PTPRD: variants seen among roughly 807,000 people sequenced by gnomAD.
The protein encoded by PTPRD is protein tyrosine phosphatase receptor type D.
PTPRD carries 34 observed loss-of-function variants against 214.5 expected under a neutral mutation model. The ratio of observed to expected loss-of-function variants is 0.16; its 90% CI spans 0.12 to 0.21. PTPRD has a LOEUF of 0.21. PTPRD is among the 10% of genes least tolerant of loss of function. The probability of loss-of-function intolerance (pLI) is 1.00; values close to 1 mark genes in which losing one functional copy is unlikely to be tolerated. For synonymous variants in PTPRD, 1,128 were observed against 845.7 expected, an observed-to-expected ratio of 1.33 and a Z score of -5.79; for missense variants, 2,545 against 2,398.7, an observed-to-expected ratio of 1.06 and a Z score of -1.27.
Position 8,460,226 on chromosome 9 carries a change from G to C in PTPRD, c.3875+185C>G, listed in dbSNP as rs73424299. ...AGAAGTCTATACCAAAACTGAATAA[G>C]ATTCCAAATAGTACAGTCTTTACAT... On this transcript the variant is annotated intron_variant, in intron 33 of 45. Coordinates refer to ENST00000381196, the MANE Select transcript of PTPRD (RefSeq NM_002839.4). The C allele has an allele frequency of 5.2e-4, 390 of 749,444 alleles. 3 individuals carry two copies. The African/African-American group carries it at 6.4e-3, about 12-fold the overall frequency. 46.4% of individuals were successfully genotyped at this position (749,444 alleles called of 1,614,324 possible). A position where few individuals can be genotyped will look rare whatever the true frequency, so the allele number is the denominator to read the frequency against.
At chr9:8,630,230 T>C (rs1201124499) in intron 14 of PTPRD, among the ~76,000 whole-genome samples, 1 of 151,774 alleles carries the variant, frequency 6.6e-6, no homozygotes, top group East Asian at 1.9e-4. Flanking sequence ...AAGTGTAAAA[T>C]GGTCTCCATC....
intron 9 of PTPRD, among the ~76,000 whole-genome samples, chr9:9,190,830 T>C (rs1226240887): frequency 1.3e-5 from 2 of 152,082 alleles, no homozygotes; most frequent in African/African-American, 2.4e-5. Context: ...ATTTTAGAGT[T>C]ACTACTGTCT....
intron 11 of PTPRD, among the ~76,000 whole-genome samples, chr9:8,746,357 A>C (rs2092806375): frequency 6.6e-6 from 1 of 152,160 alleles, no homozygotes; most frequent in Admixed American, 6.6e-5. Flanking sequence ...AAGTACGAAA[A>C]TTTCCTGCAG....
At chr9:8,871,606 T>G (rs1048911729) in intron 11 of PTPRD, among the ~76,000 whole-genome samples, 18 of 152,136 alleles carry the variant, frequency 1.2e-4, no homozygotes, top group African/African-American at 4.3e-4. Context: ...GGAAGTAACT[T>G]TGATAGCAAA....
intron 11 of PTPRD, among the ~76,000 whole-genome samples, chr9:8,966,593 T>C (rs866144902): frequency 6.4e-4 from 98 of 152,092 alleles, no homozygotes; most frequent in African/African-American, 2.2e-3. Context: ...ATATACTATA[T>C]ACAAAAATTA....
At chr9:9,075,102 AATT>A (rs1189671054) in intron 10 of PTPRD, among the ~76,000 whole-genome samples, 3 of 152,082 alleles carry the variant, frequency 2.0e-5, no homozygotes, top group African/African-American at 7.2e-5. Flanking sequence ...TTTCCTATGA[AATT>A]ATTATAATTA....
At chr9:9,030,527 A>T (rs1814348137) in intron 10 of PTPRD, among the ~76,000 whole-genome samples, 1 of 151,702 alleles carries the variant, frequency 6.6e-6, no homozygotes, top group Non-Finnish European at 1.5e-5. Context: ...CCTCTCTAGG[A>T]TTGCCCTTAC....
chr9:9,528,214 C>A (rs1290849225), intron 8 of PTPRD, among the ~76,000 whole-genome samples: 1 of 152,040 alleles, frequency 6.6e-6, no homozygotes, highest in Non-Finnish European at 1.5e-5. Context: ...TTTCACTGAG[C>A]AATTGTCTGT....
chr9:10,165,138 A>C (rs2099151427), intron 3 of PTPRD, among the ~76,000 whole-genome samples: 1 of 151,754 alleles, frequency 6.6e-6, no homozygotes, highest in South Asian at 2.1e-4. Flanking sequence ...TCGATGGAAT[A>C]GCTCACAGTC....
chr9:9,715,200 C>T (rs187607168), intron 7 of PTPRD, among the ~76,000 whole-genome samples: 38 of 152,246 alleles, frequency 2.5e-4, no homozygotes, highest in Middle Eastern at 3.4e-3. Flanking sequence ...CACTGGTATG[C>T]GTACAATTAT....
intron 5 of PTPRD, among the ~76,000 whole-genome samples, chr9:9,769,748 A>C (rs976779544): frequency 3.3e-5 from 5 of 151,916 alleles, no homozygotes; most frequent in African/African-American, 9.7e-5. Flanking sequence ...TCCTAATGCT[A>C]TCCCTCCCCT....
At chr9:9,612,290 T>C (rs1390808885) in intron 7 of PTPRD, among the ~76,000 whole-genome samples, 1 of 152,148 alleles carries the variant, frequency 6.6e-6, no homozygotes, top group East Asian at 1.9e-4. Flanking sequence ...CAGATGCGAA[T>C]AGTACAGCTT....
At chr9:8,639,553 T>C (rs1463917323) in intron 12 of PTPRD, among the ~76,000 whole-genome samples, 2 of 152,212 alleles carry the variant, frequency 1.3e-5, no homozygotes, top group Non-Finnish European at 2.9e-5. Flanking sequence ...AAAATGAGTG[T>C]GCACTATATT....
chr9:9,573,924 G>C (rs2087459974), intron 8 of PTPRD, among the ~76,000 whole-genome samples: 3 of 151,770 alleles, frequency 2.0e-5, no homozygotes, highest in South Asian at 4.1e-4. Context: ...CCAAATAGGA[G>C]TTTTAATCAA....
chr9:8,666,705 A>G (rs1433766191), intron 12 of PTPRD, among the ~76,000 whole-genome samples: 1 of 151,980 alleles, frequency 6.6e-6, no homozygotes, highest in Non-Finnish European at 1.5e-5. Context: ...AACACACTAA[A>G]CTCTATTATT....
At chr9:9,882,793 T>C (rs1301408965) in intron 5 of PTPRD, among the ~76,000 whole-genome samples, 2 of 152,104 alleles carry the variant, frequency 1.3e-5, no homozygotes, top group Non-Finnish European at 2.9e-5. Flanking sequence ...AAATCTCATG[T>C]TGAAATGTAA....
At chr9:9,947,053 G>A (rs2092658379) in intron 4 of PTPRD, among the ~76,000 whole-genome samples, 1 of 150,726 alleles carries the variant, frequency 6.6e-6, no homozygotes, top group Non-Finnish European at 1.5e-5. Context: ...TATCCCAAGA[G>A]CCCCAAAATA....
At chr9:10,236,280 C>T (rs1049967364) in intron 3 of PTPRD, among the ~76,000 whole-genome samples, 1 of 151,828 alleles carries the variant, frequency 6.6e-6, no homozygotes, top group African/African-American at 2.4e-5. Context: ...TGAATTTATT[C>T]TGGTTCTTGT....
At chr9:9,821,988 A>C (rs1054571263) in intron 5 of PTPRD, among the ~76,000 whole-genome samples, 1 of 150,922 alleles carries the variant, frequency 6.6e-6, no homozygotes, top group Non-Finnish European at 1.5e-5. Context: ...CAAATCTGTG[A>C]CTGAAGTCTT....
Sources: gnomAD v4.1 joint callset for allele counts (sites outside exome capture counted in the v4.1 genomes callset) on GRCh38, gnomAD v4.1.1 for gene constraint, MANE v1.5 for transcripts, NCBI Gene and HGNC (gene_info 2026-07-23, HGNC 2026-07-21) for gene names.